Variants in FAM107B observed in about 807,000 individuals in gnomAD.
FAM107B encodes family with sequence similarity 107 member B.
FAM107B carries 21 observed loss-of-function variants against 31.5 expected under a neutral mutation model. The observed-to-expected ratio is 0.67, with a 90% CI of 0.47 to 0.96. The LOEUF (loss-of-function observed/expected upper bound fraction) is 0.96, where lower values mean the gene tolerates loss of function less well. Ranked by LOEUF, FAM107B falls within the 40% of genes least tolerant of loss-of-function variation. The pLI is 0.00. For synonymous variants in FAM107B, 157 were observed against 141.5 expected (o/e 1.11, Z -0.78); for missense variants, 452 against 377.1 (o/e 1.20, Z -1.64).
intron 1 of FAM107B, among the ~76,000 whole-genome samples, chr10:14,676,720 T>C (rs971631756): frequency 3.9e-5 from 6 of 152,236 alleles, no homozygotes; most frequent in Admixed American, 1.3e-4. Context: ...GCACTGTATG[T>C]GTGCACTTAA....
chr10:14,592,278 G>C (rs1852045454), intron 2 of FAM107B, among the ~76,000 whole-genome samples: 1 of 152,206 alleles, frequency 6.6e-6, no homozygotes, highest in South Asian at 2.1e-4. Context: ...TTTGGCAAAG[G>C]AAGAGGCAGT....
intron 2 of FAM107B, chr10:14,663,406 C>T (rs1390831144): frequency 6.6e-6 from 1 of 152,300 alleles, no homozygotes; most frequent in Non-Finnish European, 1.5e-5. Flanking sequence ...AACTTCGTCT[C>T]CCCCATCCAA....
intron 2 of FAM107B, among the ~76,000 whole-genome samples, chr10:14,630,805 C>CATGT (rs1433857042): frequency 2.0e-5 from 3 of 152,040 alleles, no homozygotes; most frequent in Non-Finnish European, 2.9e-5. Context: ...GAGCCATGAT[C>CATGT]ATGTCACTGC....
intron 2 of FAM107B, among the ~76,000 whole-genome samples, chr10:14,640,545 G>A (rs188966050): frequency 6.6e-6 from 1 of 152,270 alleles, no homozygotes; most frequent in East Asian, 1.9e-4. Flanking sequence ...AGCCCAGTGT[G>A]ACCTAGCTGA....
chr10:14,682,408 AGTCCCAGCTACTCAGGAG>A lies in FAM107B; in HGVS notation c.412-14735_412-14718del, dbSNP rs1326204546. ...GCTGGGCTTGGTGGCGCACGCCTGT[AGTCCCAGCTACTCAGGAG>A]GCTGAGGCAAGAGGATCACTTGAAC... On this transcript the variant is annotated intron_variant, in intron 1 of 4. Transcript: ENST00000181796. 3.3e-5 allele frequency among the ~76,000 whole-genome samples: 5 copies of A among 152,326 alleles called. No homozygotes were observed. The East Asian group carries it at 9.7e-4, about 29-fold the overall frequency.
intron 2 of FAM107B, among the ~76,000 whole-genome samples, chr10:14,567,350 C>G (rs1053749928): frequency 2.6e-5 from 4 of 151,968 alleles, no homozygotes; most frequent in African/African-American, 9.7e-5. Context: ...ACGACTGTCC[C>G]GTGAGCTGTG....
chr10:14,575,610 G>A (rs901362231), intron 2 of FAM107B, among the ~76,000 whole-genome samples: 5 of 152,172 alleles, frequency 3.3e-5, no homozygotes, highest in African/African-American at 1.2e-4. Flanking sequence ...GCTCAGGCAG[G>A]CACAGGGGCC....
intron 2 of FAM107B, among the ~76,000 whole-genome samples, chr10:14,538,637 G>C (rs1048815475): frequency 2.0e-5 from 3 of 152,156 alleles, no homozygotes; most frequent in Non-Finnish European, 4.4e-5. Context: ...TGGTGACACA[G>C]GTGTGTTTCC....
intron 2 of FAM107B, among the ~76,000 whole-genome samples, chr10:14,556,813 T>C (rs1380326748): frequency 6.6e-6 from 1 of 152,244 alleles, no homozygotes; most frequent in Non-Finnish European, 1.5e-5. Flanking sequence ...CCCATGGGAT[T>C]GTCAGGGCCT....
chr10:14,733,920 C>T (rs879286741), intron 1 of FAM107B, among the ~76,000 whole-genome samples: 2 of 152,108 alleles, frequency 1.3e-5, no homozygotes, highest in African/African-American at 4.8e-5. Flanking sequence ...CAACAAATGT[C>T]CTTGAAAAGA....
At chr10:14,728,505 T>C (rs1488730746) in intron 1 of FAM107B, among the ~76,000 whole-genome samples, 1 of 152,204 alleles carries the variant, frequency 6.6e-6, no homozygotes, top group Non-Finnish European at 1.5e-5. Context: ...GAAGTCAAGC[T>C]GGACCAGCAG....
intron 2 of FAM107B, among the ~76,000 whole-genome samples, chr10:14,547,529 G>A (rs1456981027): frequency 6.6e-6 from 1 of 152,110 alleles, no homozygotes; most frequent in Non-Finnish European, 1.5e-5. Context: ...AGATTTCAAA[G>A]CTTTTCCAAT....
At chr10:14,711,892 C>T (rs1009286330) in intron 1 of FAM107B, among the ~76,000 whole-genome samples, 1 of 152,232 alleles carries the variant, frequency 6.6e-6, no homozygotes, top group Admixed American at 6.5e-5. Context: ...AATCCGCCCA[C>T]CTTGGCCTCC....
At chr10:14,524,068 T>C (rs1194936031) in intron 3 of FAM107B, among the ~76,000 whole-genome samples, 1 of 150,142 alleles carries the variant, frequency 6.7e-6, no homozygotes, top group East Asian at 2.0e-4. Flanking sequence ...TGAGATACAG[T>C]TTTCCTCTTG....
At chr10:14,628,112 GT>G (rs71505033) in intron 2 of FAM107B, among the ~76,000 whole-genome samples, 5,180 of 92,496 alleles carry the variant, frequency 0.056, 89 homozygotes, top group Middle Eastern at 0.13. Flanking sequence ...TGTTTTGCTG[GT>G]TTTTTTTTTT....
At chr10:14,729,055 C>T (rs1325194645) in intron 1 of FAM107B, among the ~76,000 whole-genome samples, 1 of 152,048 alleles carries the variant, frequency 6.6e-6, no homozygotes. Flanking sequence ...TACAGTGGTG[C>T]ATTCATAACT....
At chr10:14,740,441 A>G (rs1009612248) in intron 1 of FAM107B, among the ~76,000 whole-genome samples, 2 of 152,232 alleles carry the variant, frequency 1.3e-5, no homozygotes, top group African/African-American at 4.8e-5. Context: ...AGTGGTGGCC[A>G]TTGGGGTACG....
intron 2 of FAM107B, among the ~76,000 whole-genome samples, chr10:14,633,852 A>G (rs1182186446): frequency 6.6e-6 from 1 of 152,204 alleles, no homozygotes; most frequent in Non-Finnish European, 1.5e-5. Context: ...CCCATATAGC[A>G]AGAAACTTAA....
chr10:14,543,428 G>A (rs1416303144), intron 2 of FAM107B, among the ~76,000 whole-genome samples: 1 of 152,104 alleles, frequency 6.6e-6, no homozygotes, highest in African/African-American at 2.4e-5. Context: ...ATGCAGTCCT[G>A]AGCTCGGCCT....
Sources: gnomAD v4.1 joint callset for allele counts (sites outside exome capture counted in the v4.1 genomes callset) on GRCh38, gnomAD v4.1.1 for gene constraint, MANE v1.5 for transcripts, NCBI Gene and HGNC (gene_info 2026-07-23, HGNC 2026-07-21) for gene names.